The following SCN10A variants were observed in gnomAD, a reference collection of about 807,000 sequenced individuals.
SCN10A encodes sodium channel protein type 10 subunit alpha.
A neutral mutation model predicts 170.7 loss-of-function variants in SCN10A; 162 were observed. The ratio of observed to expected loss-of-function variants is 0.95; its 90% CI spans 0.84 to 1.08. SCN10A has a LOEUF of 1.08. Among genes scored for constraint, SCN10A ranks in the 50% least tolerant of loss-of-function variants. The pLI is 0.00. For missense variants in SCN10A, 2,527 were observed against 2,436.9 expected, an observed-to-expected ratio of 1.04 and a Z score of -0.78; for synonymous variants, 985 against 904.6, an observed-to-expected ratio of 1.09 and a Z score of -1.59.
chr3:38,716,727 G>T (rs981907331), intron 21 of SCN10A, among the ~76,000 whole-genome samples: 1 of 152,212 alleles, frequency 6.6e-6, no homozygotes, highest in African/African-American at 2.4e-5. Flanking sequence ...AAGTATGAAA[G>T]CAGGGAATAG....
At chr3:38,802,513 C>T (rs2064378964) in intron 1 of SCN10A, among the ~76,000 whole-genome samples, 1 of 152,114 alleles carries the variant, frequency 6.6e-6, no homozygotes, top group African/African-American at 2.4e-5. Flanking sequence ...TAACTTAGGT[C>T]CCAAGCCTTA....
intron 5 of SCN10A, among the ~76,000 whole-genome samples, chr3:38,771,013 A>C (rs757992394): frequency 4.6e-5 from 7 of 152,124 alleles, no homozygotes; most frequent in Non-Finnish European, 7.4e-5. Context: ...GTATGTTTGG[A>C]GGCAGGTTTC....
chr3:38,697,340 G>C lies in SCN10A; in HGVS notation c.*9C>G. 1 of 1,611,866 alleles carries C rather than the reference G, an allele frequency of 6.2e-7. No individual in the cohort carries two copies. The highest frequency in any genetic ancestry group is 8.5e-7 in the Non-Finnish European group (1 of 1,178,232). On this transcript the variant is annotated 3_prime_UTR_variant, in exon 28 of 28. Coordinates refer to ENST00000449082, the MANE Select transcript of SCN10A (RefSeq NM_006514.4). ...CATAACTGAACATATCCAGGCTGGAGTGTTCTCACTAGGGCCCAGGGGCAA... is the reference window on the plus strand; with the variant it reads ...CATAACTGAACATATCCAGGCTGGACTGTTCTCACTAGGGCCCAGGGGCAA...
intron 25 of SCN10A, among the ~76,000 whole-genome samples, chr3:38,708,189 G>A (rs191083658): frequency 7.1e-4 from 108 of 152,254 alleles, no homozygotes; most frequent in Admixed American, 1.4e-3. Flanking sequence ...AGGGCTTCCT[G>A]GGAGGACCAT....
chr3:38,723,605 G>T (rs1318247914), intron 18 of SCN10A, 52 bp from the exon 19 acceptor site: 2 of 1,547,050 alleles, frequency 1.3e-6, no homozygotes, highest in South Asian at 1.2e-5. Flanking sequence ...GGGGCCCGGG[G>T]AATTGCACAC....
At chr3:38,722,755 C>G (rs75990457) in intron 19 of SCN10A, among the ~76,000 whole-genome samples, 2,357 of 152,254 alleles carry the variant, frequency 0.015, 66 homozygotes, top group Admixed American at 0.064. Flanking sequence ...GGGATATGCT[C>G]CAAGCCCAAG....
At chr3:38,717,155 G>A (rs1183437903) in intron 21 of SCN10A, among the ~76,000 whole-genome samples, 2 of 152,170 alleles carry the variant, frequency 1.3e-5, no homozygotes, top group African/African-American at 4.8e-5. Context: ...AAAAGATTGG[G>A]CAGAAGAGAA....
intron 1 of SCN10A, among the ~76,000 whole-genome samples, chr3:38,799,039 T>C (rs1283573751): frequency 1.3e-5 from 2 of 152,082 alleles, no homozygotes; most frequent in Non-Finnish European, 2.9e-5. Flanking sequence ...CACCTCAGCC[T>C]CCCAAAGTGC....
rs1317455820 is a variant in SCN10A, at chr3:38,709,581, T to C, written c.4178A>G (p.Tyr1393Cys). 2.5e-6 allele frequency: 4 copies of C among 1,611,110 alleles called. No individual in the cohort carries two copies. Among genetic ancestry groups the C allele is most frequent in the Non-Finnish European group, 3.4e-6 (4 of 1,178,752 alleles). The change falls in exon 25 of 28, where the codon TAC becomes TGC. Residue 1393 changes from tyrosine (Y) to cysteine (C), a missense_variant. Coordinates refer to ENST00000449082, the MANE Select transcript of SCN10A (RefSeq NM_006514.4). ...GAAGATGACAAAGTACAAATACATG[T>C]ACACGTTGTCCTCCCACTTGGGTTG... Reference protein sequence around the residue: ...NMQPKWEDNVYMYLYFVIFII... With the variant: ...NMQPKWEDNVCMYLYFVIFII...
Position 38,697,638 on chromosome 3 carries a change from G to A in SCN10A, c.5582C>T (p.Ala1861Val), listed in dbSNP as rs1559405676. 2 of 1,614,194 alleles carry A rather than the reference G, an allele frequency of 1.2e-6. No homozygotes were observed. The highest frequency in any genetic ancestry group is 1.7e-6 in the Non-Finnish European group (2 of 1,180,044). The change falls in exon 28 of 28, where the codon GCC becomes GTC. Residue 1861 changes from alanine (A) to valine (V), a missense_variant. Coordinates refer to ENST00000449082, the MANE Select transcript of SCN10A (RefSeq NM_006514.4). ...EDISATVIQKAYRSYVLHRSM... is the reference protein window; with the variant it reads ...EDISATVIQKVYRSYVLHRSM... ...GCGGTGCAGCACATAGCTCCGATAGGCCTTTTGAATGACAGTGGCTGAAAT... is the reference window on the plus strand; with the variant it reads ...GCGGTGCAGCACATAGCTCCGATAGACCTTTTGAATGACAGTGGCTGAAAT...
At chr3:38,758,269 C>T (rs777670484) in intron 8 of SCN10A, among the ~76,000 whole-genome samples, 3 of 152,162 alleles carry the variant, frequency 2.0e-5, no homozygotes, top group African/African-American at 7.2e-5. Flanking sequence ...TAAAGATAGG[C>T]TCTTGGTTTG....
Position 38,728,690 on chromosome 3 carries a change from T to C in SCN10A, c.2492A>G (p.His831Arg). The stretch of plus-strand genomic sequence containing the variant: ...GAAAGAGTGGAAGAAGTCGTGCATG[T>C]GCCAGCGGGGCCAGTCTTCATGGGG... The part of the protein sequence containing the change: ...SAPHEDWPRW[H>R]MHDFFHSFLI... The change falls in exon 16 of 28, where the codon CAC (histidine) becomes CGC (arginine). Residue 831 changes from histidine to arginine, a missense_variant. By Grantham distance (29) the His-to-Arg change is conservative. Transcript: ENST00000449082. 1 of 1,614,226 alleles carries C rather than the reference T, an allele frequency of 6.2e-7. No individual in the cohort carries two copies. Among genetic ancestry groups the C allele is most frequent in the Non-Finnish European group, 8.5e-7 (1 of 1,180,032 alleles).
In SCN10A at chr3:38,793,900, G is replaced by A. The variant is rs1206861153; in HGVS notation, c.111C>T (p.Ala37=). ...QIAAKQGTKK[A]REKHREQKDQ... ...CCTTCTGCTCCCTATGCTTCTCTCT[G>A]GCTTTCTTTGTTCCCTGCTTGGCAG... The change falls in exon 2 of 28, where the codon GCC becomes GCT. Residue 37 remains alanine, a synonymous_variant. Transcript: ENST00000449082. The A allele has an allele frequency of 1.2e-6, 2 of 1,614,068 alleles. No individual in the cohort carries two copies. Among genetic ancestry groups the A allele is most frequent in the Admixed American group, 1.7e-5 (1 of 60,008 alleles).
rs770046573 is a variant in SCN10A, at chr3:38,728,815, G to A, written c.2367C>T (p.Asn789=). 1.8e-5 allele frequency: 29 copies of A among 1,614,038 alleles called. No individual in the cohort carries two copies. Among genetic ancestry groups the A allele is most frequent in the Admixed American group, 5.0e-5 (3 of 60,010 alleles). The change falls in exon 16 of 28, where the codon AAC becomes AAT. Residue 789 remains asparagine (N), a synonymous_variant. Transcript: ENST00000449082. ...CAATGATGGCCAGGATGATGGTGAG[G>A]TTCCCCAGTGCCCCCACTGAGTTTC... ...IIGNSVGALG[N]LTIILAIIVF...
chr3:38,788,056 C>A (rs2064229876), intron 4 of SCN10A, among the ~76,000 whole-genome samples: 2 of 151,952 alleles, frequency 1.3e-5, no homozygotes, highest in Non-Finnish European at 2.9e-5. Flanking sequence ...TTATTCCCTT[C>A]TATTTCAACT....
intron 12 of SCN10A, among the ~76,000 whole-genome samples, chr3:38,751,462 A>C (rs1021474131): frequency 6.6e-6 from 1 of 152,220 alleles, no homozygotes; most frequent in African/African-American, 2.4e-5. Flanking sequence ...TCAGAGACTG[A>C]GCTAAGGCAA....
In SCN10A at chr3:38,697,986, T is replaced by C; in HGVS notation, c.5234A>G (p.Tyr1745Cys). The C allele has an allele frequency of 6.2e-7, 1 of 1,614,178 alleles. No individual in the cohort carries two copies. Among genetic ancestry groups the C allele is most frequent in the South Asian group, 1.1e-5 (1 of 91,078 alleles). Residue 1745 changes from tyrosine (Y) to cysteine (C), a missense_variant, in exon 28 of 28, where the codon TAT becomes TGT. Tyr to Cys is a radical substitution (Grantham distance 194). Transcript: ENST00000449082. ...TGGGTCAAACTTCTCCCAGGTCTCA[T>C]AGAACATGTCAAAGTCGTCCTCACT... is the stretch of plus-strand genomic sequence containing the variant. Reference protein sequence around the residue: ...PLSEDDFDMFYETWEKFDPEA... With the variant: ...PLSEDDFDMFCETWEKFDPEA...
rs376640157 is a variant in SCN10A, at chr3:38,769,776, A to G, written c.599+1503T>C. 2.9e-4 allele frequency among the ~76,000 whole-genome samples: 44 copies of G among 152,158 alleles called. No individual in the cohort carries two copies. The East Asian group carries it at 7.0e-3, about 24-fold the overall frequency. On this transcript the variant is annotated intron_variant, in intron 5 of 27. Coordinates refer to ENST00000449082, the MANE Select transcript of SCN10A (RefSeq NM_006514.4). Reference sequence around the variant, plus strand: ...ATCTCTTGATGTGGTGCTCTCCCCAATCCCCTGGGGATGGGGCTTCCTGAG... The same window carrying G: ...ATCTCTTGATGTGGTGCTCTCCCCAGTCCCCTGGGGATGGGGCTTCCTGAG...
intron 4 of SCN10A, among the ~76,000 whole-genome samples, chr3:38,788,627 G>GC (rs930241678): frequency 8.4e-6 from 1 of 118,778 alleles, no homozygotes; most frequent in African/African-American, 2.8e-5. Context: ...TGTTGGGGGG[G>GC]GGTGGGGGCG....
Sources: allele counts gnomAD v4.1 joint callset (sites outside exome capture counted in the v4.1 genomes callset), GRCh38; gene constraint gnomAD v4.1.1; transcripts MANE v1.5; gene names NCBI Gene and HGNC (gene_info 2026-07-23, HGNC 2026-07-21).